TSPEAR: variants seen among roughly 807,000 people sequenced by gnomAD.
TSPEAR encodes the protein thrombospondin-type laminin G domain and EAR repeat-containing protein.
A neutral mutation model predicts 71.6 loss-of-function variants in TSPEAR; 69 were observed. The observed-to-expected ratio is 0.96, with a 90% confidence interval of 0.79 to 1.18. The LOEUF (loss-of-function observed/expected upper bound fraction) is 1.18. Ranked by LOEUF, TSPEAR falls within the 50% of genes most tolerant of loss-of-function variation. The probability of loss-of-function intolerance (pLI) is 0.00; values close to 1 mark genes in which losing one functional copy is unlikely to be tolerated. For synonymous variants in TSPEAR, 402 were observed against 387.2 expected (o/e 1.04, Z -0.45); for missense variants, 971 against 894.9 (o/e 1.09, Z -1.09).
At chr21:44,603,796 C>T (rs2838598) in intron 1 of TSPEAR, among the ~76,000 whole-genome samples, 23,328 of 152,218 alleles carry the variant, frequency 0.15, 3,876 homozygotes, top group African/African-American at 0.41. Flanking sequence ...CAATGCCTAC[C>T]GCCATCCCTG....
intron 1 of TSPEAR, among the ~76,000 whole-genome samples, chr21:44,709,567 C>G (rs1415520560): frequency 1.3e-5 from 2 of 152,258 alleles, no homozygotes; most frequent in Admixed American, 6.5e-5. Context: ...GTGGCAGACC[C>G]GAACCCCCAG....
intron 1 of TSPEAR, chr21:44,647,145 C>T: frequency 1.2e-6 from 2 of 1,614,224 alleles, no homozygotes; most frequent in Non-Finnish European, 1.7e-6. Flanking sequence ...GCACCACCTC[C>T]TGCTGCAGAC....
chr21:44,664,663 C>T (rs782189729), intron 1 of TSPEAR, among the ~76,000 whole-genome samples: 51 of 152,238 alleles, frequency 3.4e-4, no homozygotes, highest in Non-Finnish European at 6.3e-4. Flanking sequence ...TCAAGACCTA[C>T]TATAAAGCTG....
intron 9 of TSPEAR, among the ~76,000 whole-genome samples, chr21:44,513,989 T>G (rs1451296431): frequency 6.6e-6 from 1 of 152,102 alleles, no homozygotes; most frequent in Non-Finnish European, 1.5e-5. Flanking sequence ...AACTCTTGGG[T>G]GCCCCCCGTG....
rs374137313 is a variant in TSPEAR at position 44,663,364 on chromosome 21, A to T, written c.82+48069T>A. ...CATTAAATTTGATAACATACATAAAACTGGCACATTTTTAAAAGACAAAAG... is the reference window on the plus strand; with the variant it reads ...CATTAAATTTGATAACATACATAAATCTGGCACATTTTTAAAAGACAAAAG... On this transcript the variant is annotated intron_variant, in intron 1 of 11. Coordinates refer to ENST00000323084, the MANE Select transcript of TSPEAR (RefSeq NM_144991.3). Among the ~76,000 whole-genome samples, 5 of 152,224 alleles carry T rather than the reference A, an allele frequency of 3.3e-5. 1 individual carries two copies.
intron 1 of TSPEAR, chr21:44,591,541 G>A (rs1979839380): frequency 1.9e-6 from 3 of 1,613,942 alleles, no homozygotes; most frequent in Non-Finnish European, 2.5e-6. Context: ...CACGCAGCAG[G>A]TGGACTTGCA....
intron 1 of TSPEAR, chr21:44,591,476 T>A: frequency 6.2e-7 from 1 of 1,613,802 alleles, no homozygotes; most frequent in African/African-American, 1.3e-5. Context: ...CAGGAGGCCG[T>A]GCGGCAGCAG....
intron 1 of TSPEAR, among the ~76,000 whole-genome samples, chr21:44,608,086 C>A (rs1174510265): frequency 1.3e-5 from 2 of 152,078 alleles, no homozygotes; most frequent in African/African-American, 4.8e-5. Flanking sequence ...GAAAAGTACA[C>A]CTGGGAACTC....
chr21:44,654,658 C>T (rs782215746), intron 1 of TSPEAR: 1 of 1,335,432 alleles, frequency 7.5e-7, no homozygotes, highest in Non-Finnish European at 1.0e-6. Context: ...CAGGGCTGGT[C>T]TGGAGCCTGC....
chr21:44,570,947 A>G (rs1306374180), intron 1 of TSPEAR, among the ~76,000 whole-genome samples: 2 of 152,236 alleles, frequency 1.3e-5, no homozygotes, highest in Non-Finnish European at 2.9e-5. Flanking sequence ...ATTAAAGAAG[A>G]AAAGATAATT....
chr21:44,544,296 A>T (rs1471022969), intron 2 of TSPEAR, among the ~76,000 whole-genome samples: 2 of 125,264 alleles, frequency 1.6e-5, no homozygotes, highest in African/African-American at 7.6e-5. Context: ...AATCATAATA[A>T]GACAAAAAAA....
At chr21:44,504,704 G>A (rs2052153446) in intron 11 of TSPEAR, 76 bp downstream of exon 11, 1 of 729,618 alleles carries the variant, frequency 1.4e-6, no homozygotes, top group South Asian at 1.5e-5. Context: ...CAAGTCTCTT[G>A]GAGGAGGCCG....
At chr21:44,657,219 C>T (rs182775979) in intron 1 of TSPEAR, among the ~76,000 whole-genome samples, 1 of 152,326 alleles carries the variant, frequency 6.6e-6, no homozygotes, top group East Asian at 1.9e-4. Context: ...TTCATTTCTT[C>T]CTTTACTCAT....
intron 1 of TSPEAR, among the ~76,000 whole-genome samples, chr21:44,706,900 C>T (rs1555952498): frequency 6.6e-6 from 1 of 152,198 alleles, no homozygotes; most frequent in African/African-American, 2.4e-5. Context: ...AGCCCCACCA[C>T]CTTGGTGGTG....
At chr21:44,500,727 T>TA (rs1485244108) in intron 11 of TSPEAR, among the ~76,000 whole-genome samples, 1 of 152,224 alleles carries the variant, frequency 6.6e-6, no homozygotes, top group Non-Finnish European at 1.5e-5. Flanking sequence ...ACAAATCCCT[T>TA]ATAATGTTTA....
In TSPEAR at chr21:44,666,673, A is replaced by G. The variant is rs868930412; in HGVS notation, c.82+44760T>C. The G allele has an allele frequency of 6.2e-7, 1 of 1,611,404 alleles. No individual in the cohort carries two copies. The highest frequency in any genetic ancestry group is 1.3e-5 in the African/African-American group (1 of 74,248). On this transcript the variant is annotated intron_variant, in intron 1 of 11. Transcript: ENST00000323084. ...CAGCTCACGGGCACGCACACAGCTG[A>G]CTTGAAGCTCATGGGCACACACACA...
In TSPEAR at chr21:44,546,421, G is replaced by A. The variant is rs587694420; in HGVS notation, c.304-12498C>T. Among the ~76,000 whole-genome samples, 5 of 152,234 alleles carry A rather than the reference G, an allele frequency of 3.3e-5. No homozygotes were observed. The highest frequency in any genetic ancestry group is 6.5e-5 in the Admixed American group (1 of 15,304). Reference sequence around the variant, plus strand: ...GCGATCTCTGCTCACTGCAAGCTCCGCCTCCCAGGTTCCCACCATTCTCCT... The same window carrying A: ...GCGATCTCTGCTCACTGCAAGCTCCACCTCCCAGGTTCCCACCATTCTCCT... On this transcript the variant is annotated intron_variant, in intron 2 of 11. Transcript: ENST00000323084. The surrounding 1 kb of genome is among the most constrained non-coding windows in gnomAD (Gnocchi z 4.4).
chr21:44,594,624 T>G (rs753555762), intron 1 of TSPEAR, among the ~76,000 whole-genome samples: 10 of 150,938 alleles, frequency 6.6e-5, no homozygotes, highest in Non-Finnish European at 1.5e-4. Flanking sequence ...TCGTGAATAT[T>G]CACTATTCCT....
At chr21:44,510,849 A>T (rs1257603401) in intron 9 of TSPEAR, 1 of 152,336 alleles carries the variant, frequency 6.6e-6, no homozygotes, top group Non-Finnish European at 1.5e-5. Context: ...ACAGGGGCCC[A>T]GGACACCTGG....
Sources: gnomAD v4.1 joint callset for allele counts (sites outside exome capture counted in the v4.1 genomes callset) on GRCh38, gnomAD v4.1.1 for gene constraint, Gnocchi (gnomAD v3.1) non-coding constraint, MANE v1.5 for transcripts, NCBI Gene and HGNC (gene_info 2026-07-23, HGNC 2026-07-21) for gene names.